The following CEP70 variants were observed in gnomAD, a reference collection of about 807,000 sequenced individuals.
The protein encoded by CEP70 is centrosomal protein of 70 kDa.
A neutral mutation model predicts 90.9 loss-of-function variants in CEP70; 70 were observed. The observed-to-expected ratio is 0.77, with a 90% confidence interval of 0.64 to 0.94. CEP70 has a LOEUF of 0.94. Among genes scored for constraint, CEP70 ranks in the 40% least tolerant of loss-of-function variants. The probability of loss-of-function intolerance (pLI) is 0.00; values close to 1 mark genes in which losing one functional copy is unlikely to be tolerated. For missense variants in CEP70, 648 were observed against 669.0 expected (o/e 0.97, Z 0.35); for synonymous variants, 220 against 228.3 (o/e 0.96, Z 0.33).
At chr3:138,520,989 TG>T (rs1470905073) in intron 11 of CEP70, among the ~76,000 whole-genome samples, 1 of 152,162 alleles carries the variant, frequency 6.6e-6, no homozygotes, top group Admixed American at 6.5e-5. Flanking sequence ...TTGTATTTTT[TG>T]GTGGAGACGG....
intron 6 of CEP70, among the ~76,000 whole-genome samples, chr3:138,547,356 C>T (rs954089358): frequency 7.9e-5 from 12 of 152,212 alleles, no homozygotes; most frequent in Admixed American, 1.3e-4. Flanking sequence ...TTGGAACATA[C>T]GAGTTTCTGC....
chr3:138,571,493 T>C, intron 3 of CEP70, 137 bp from the exon 4 acceptor site: 1 of 625,304 alleles, frequency 1.6e-6, no homozygotes, highest in Non-Finnish European at 2.8e-6. Context: ...GCATATATAA[T>C]ATCCAAAAAA....
chr3:138,508,376 C>T (rs902111837), intron 12 of CEP70, 63 bp downstream of exon 12: 1 of 1,041,046 alleles, frequency 9.6e-7, no homozygotes. Flanking sequence ...TATTACACCA[C>T]AACTGATAAC....
intron 6 of CEP70, among the ~76,000 whole-genome samples, chr3:138,558,181 A>G (rs1283959430): frequency 6.6e-6 from 1 of 152,194 alleles, no homozygotes; most frequent in Non-Finnish European, 1.5e-5. Context: ...CCTGGCCAAC[A>G]TGGTGAAACC....
chr3:138,546,966 G>T (rs539006251), intron 6 of CEP70, among the ~76,000 whole-genome samples: 1 of 152,060 alleles, frequency 6.6e-6, no homozygotes, highest in South Asian at 2.1e-4. Context: ...GAGGAAAAAA[G>T]GTTCTCAGCT....
In CEP70 at chr3:138,516,393, C is replaced by T. The variant is rs146617352; in HGVS notation, c.945-7849G>A. 4.9e-3 allele frequency among the ~76,000 whole-genome samples: 731 copies of T among 150,692 alleles called. 4 individuals are homozygous for T. Among genetic ancestry groups the T allele is most frequent in the African/African-American group, 0.017 (697 of 40,960 alleles). ...CTCTATTATCTTTTTTTTGGGGGGA[C>T]GGGGGGTGGAGGGACAGGGTCTTGC... is the stretch of plus-strand genomic sequence containing the variant. On this transcript the variant is annotated intron_variant, in intron 11 of 17. Coordinates refer to ENST00000264982, the MANE Select transcript of CEP70 (RefSeq NM_024491.4).
rs766941120 is a variant in CEP70 at position 138,571,272 on chromosome 3, G to A, written c.154C>T (p.Leu52Phe). Residue 52 changes from leucine (L) to phenylalanine (F), a missense_variant, in exon 4 of 18, where the codon CTC becomes TTC. Leu to Phe is a conservative substitution (Grantham distance 22). Transcript: ENST00000264982. ...KPLSLVKRTD[L>F]KDLIIFDKQS... ...AAGAATAGGATCTAATTACCTTTGA[G>A]ATCTGTTCTTTTGACTAGAGACAAA... 16 of 1,604,730 alleles carry A rather than the reference G, an allele frequency of 1.0e-5. 1 individual carries two copies. In the South Asian group the frequency reaches 1.8e-4, roughly 18 times the overall value.
intron 11 of CEP70, among the ~76,000 whole-genome samples, chr3:138,521,148 C>A (rs1053344718): frequency 6.6e-6 from 1 of 152,186 alleles, no homozygotes; most frequent in Non-Finnish European, 1.5e-5. Context: ...GGCATGATCT[C>A]GGCTCGCTAC....
chr3:138,495,039 C>T lies in CEP70; in HGVS notation c.1770G>A (p.Lys590=). 2 of 1,543,294 alleles carry T rather than the reference C, an allele frequency of 1.3e-6. No individual in the cohort carries two copies. Among genetic ancestry groups the T allele is most frequent in the South Asian group, 2.3e-5 (2 of 88,306 alleles). The change falls in exon 18 of 18, where the codon AAG becomes AAA. Residue 590 remains lysine, a synonymous_variant. Transcript: ENST00000264982. ...TTCAGTATGAAAGTACTTTTAATTT[C>T]TTTACTGCAGGTACAATGGCATCCA... The part of the protein sequence containing the change: ...DDLDAIVPAV[K]KLKVLSY
chr3:138,577,675 C>A (rs1474747635), intron 2 of CEP70, among the ~76,000 whole-genome samples: 1 of 151,516 alleles, frequency 6.6e-6, no homozygotes, highest in South Asian at 2.1e-4. Flanking sequence ...TTTTAAAAAC[C>A]CAAAAGAAGA....
At chr3:138,497,860 T>C (rs2034086105) in intron 17 of CEP70, 171 bp downstream of exon 17, 3 of 985,460 alleles carry the variant, frequency 3.0e-6, no homozygotes, top group African/African-American at 1.7e-5. Context: ...TTCTGTTCTA[T>C]GGACTAATCC....
At chr3:138,563,594 A>T (rs1239018860) in intron 6 of CEP70, among the ~76,000 whole-genome samples, 1 of 152,234 alleles carries the variant, frequency 6.6e-6, no homozygotes, top group Non-Finnish European at 1.5e-5. Flanking sequence ...CCTTTGAATG[A>T]CTACTGGGTA....
intron 11 of CEP70, among the ~76,000 whole-genome samples, chr3:138,514,725 T>G (rs1324400639): frequency 6.6e-6 from 1 of 152,140 alleles, no homozygotes; most frequent in Admixed American, 6.5e-5. Flanking sequence ...AAGTTTTACC[T>G]TGAAAAAATT....
At chr3:138,565,058 C>CAA (rs1280916282) in intron 6 of CEP70, among the ~76,000 whole-genome samples, 1 of 152,000 alleles carries the variant, frequency 6.6e-6, no homozygotes, top group African/African-American at 2.4e-5. Context: ...CAATAATAGA[C>CAA]AAACAGGGCC....
Position 138,522,644 on chromosome 3 carries a change from A to G in CEP70, c.944+2846T>C, listed in dbSNP as rs1449266224. Among the ~76,000 whole-genome samples, 4 of 152,240 alleles carry G rather than the reference A, an allele frequency of 2.6e-5. No individual in the cohort carries two copies. In the East Asian group the frequency reaches 7.7e-4, roughly 29 times the overall value. On this transcript the variant is annotated intron_variant, in intron 11 of 17. Coordinates refer to ENST00000264982, the MANE Select transcript of CEP70 (RefSeq NM_024491.4). ...TCTAGAAGAAATGGATAAATTCCTC[A>G]ACACATACACCCTCCCAAGACTAAA...
rs1313107236 is a variant in CEP70 at position 138,579,846 on chromosome 3, G to C, written c.-5-6914C>G. ...CTGCTTGAGAAAAGTAGACGGAAGA[G>C]TAAAGAAGACTTTCTTGAGCTTAGA... is the stretch of plus-strand genomic sequence containing the variant. On this transcript the variant is annotated intron_variant, in intron 2 of 17. Coordinates refer to ENST00000264982, the MANE Select transcript of CEP70 (RefSeq NM_024491.4). Among the ~76,000 whole-genome samples, 3 of 151,982 alleles carry C rather than the reference G, an allele frequency of 2.0e-5. No individual in the cohort carries two copies. The East Asian group carries it at 5.9e-4, about 30-fold the overall frequency.
intron 11 of CEP70, among the ~76,000 whole-genome samples, chr3:138,520,731 G>A (rs2036532409): frequency 1.3e-5 from 2 of 152,156 alleles, no homozygotes; most frequent in African/African-American, 4.8e-5. Flanking sequence ...AGAGAAAGCA[G>A]GAAAGATCTA....
chr3:138,496,838 A>C, intron 17 of CEP70: 2 of 985,468 alleles, frequency 2.0e-6, no homozygotes, highest in South Asian at 9.4e-5. Flanking sequence ...ATCTTTATGA[A>C]CCATGCTGAG....
At chr3:138,576,472 A>G (rs962638337) in intron 2 of CEP70, among the ~76,000 whole-genome samples, 1 of 152,180 alleles carries the variant, frequency 6.6e-6, no homozygotes, top group Non-Finnish European at 1.5e-5. Flanking sequence ...GAGACCTACA[A>G]AGAGACTTAG....
Sources: gnomAD v4.1 joint callset for allele counts (sites outside exome capture counted in the v4.1 genomes callset) on GRCh38, gnomAD v4.1.1 for gene constraint, MANE v1.5 for transcripts, NCBI Gene and HGNC (gene_info 2026-07-23, HGNC 2026-07-21) for gene names.